The following SLC35F3 variants were observed in gnomAD, a reference collection of about 807,000 sequenced individuals.
SLC35F3 encodes solute carrier family 35 member F3.
A neutral mutation model predicts 49.9 loss-of-function variants in SLC35F3; 25 were observed. The observed-to-expected ratio is 0.50, with a 90% confidence interval of 0.37 to 0.70. SLC35F3 has a LOEUF of 0.70. SLC35F3 is among the 30% of genes least tolerant of loss of function. The pLI, the probability that SLC35F3 is intolerant of heterozygous loss-of-function variation, is 0.00. For missense variants in SLC35F3, 525 were observed against 639.8 expected (o/e 0.82, Z 1.94); for synonymous variants, 275 against 265.4 (o/e 1.04, Z -0.35).
chr1:233,982,629 C>T (rs920439555), intron 2 of SLC35F3, among the ~76,000 whole-genome samples: 16 of 152,168 alleles, frequency 1.1e-4, no homozygotes, highest in South Asian at 4.1e-4. Context: ...CCACCTTGGC[C>T]TCCCAAAGTG....
At chr1:234,149,621 A>G (rs1666042976) in intron 2 of SLC35F3, among the ~76,000 whole-genome samples, 1 of 152,168 alleles carries the variant, frequency 6.6e-6, no homozygotes. Context: ...GAATTCCTGG[A>G]CATCTGTTTC....
chr1:234,098,021 G>T (rs1665150677), intron 2 of SLC35F3, among the ~76,000 whole-genome samples: 1 of 151,774 alleles, frequency 6.6e-6, no homozygotes, highest in African/African-American at 2.4e-5. Flanking sequence ...TGATGATGGA[G>T]GTGGTGACTG....
intron 2 of SLC35F3, among the ~76,000 whole-genome samples, chr1:233,983,450 A>G (rs1213183655): frequency 6.6e-6 from 1 of 152,314 alleles, no homozygotes; most frequent in Admixed American, 6.5e-5. Context: ...AACATCTACA[A>G]TCGATTTCTA....
intron 2 of SLC35F3, among the ~76,000 whole-genome samples, chr1:233,933,307 T>C (rs1386755106): frequency 6.6e-6 from 1 of 152,194 alleles, no homozygotes; most frequent in Admixed American, 6.5e-5. Flanking sequence ...AACCAAATTA[T>C]TGTTGTATAC....
intron 4 of SLC35F3, among the ~76,000 whole-genome samples, chr1:234,311,787 AG>A (rs1420975599): frequency 6.6e-6 from 1 of 152,188 alleles, no homozygotes; most frequent in Non-Finnish European, 1.5e-5. Context: ...CTGGTTCTCC[AG>A]GTCAGGGTTC....
At chr1:234,071,954 GA>G (rs1402617687) in intron 2 of SLC35F3, among the ~76,000 whole-genome samples, 1 of 152,180 alleles carries the variant, frequency 6.6e-6, no homozygotes, top group African/African-American at 2.4e-5. Flanking sequence ...GGCCTGGACA[GA>G]AAAAGGAATC....
At chr1:234,159,565 C>A (rs1666198101) in intron 2 of SLC35F3, among the ~76,000 whole-genome samples, 1 of 151,922 alleles carries the variant, frequency 6.6e-6, no homozygotes, top group Admixed American at 6.6e-5. Flanking sequence ...AAAAAAAGAA[C>A]CTATATGGAG....
intron 2 of SLC35F3, among the ~76,000 whole-genome samples, chr1:234,095,539 G>C (rs12038313): frequency 0.28 from 41,828 of 152,088 alleles, 7,151 homozygotes; most frequent in East Asian, 0.84. Context: ...TTGTTTGTAA[G>C]TTCAATGCTC....
chr1:234,249,187 A>T (rs147556715), intron 3 of SLC35F3, among the ~76,000 whole-genome samples: 2 of 152,310 alleles, frequency 1.3e-5, no homozygotes, highest in East Asian at 3.9e-4. Context: ...CCCACTCAGT[A>T]GGACCCTCAC....
At chr1:234,171,360 G>C (rs147109326) in intron 2 of SLC35F3, among the ~76,000 whole-genome samples, 1 of 152,298 alleles carries the variant, frequency 6.6e-6, no homozygotes, top group Non-Finnish European at 1.5e-5. Context: ...TGATTCTAAC[G>C]TGTAGCTGGG....
chr1:234,222,461 G>C (rs533320232), intron 2 of SLC35F3, among the ~76,000 whole-genome samples: 1 of 152,228 alleles, frequency 6.6e-6, no homozygotes, highest in Non-Finnish European at 1.5e-5. Context: ...TTTTAATTTT[G>C]CTCTGTTCTG....
chr1:233,990,010 C>A (rs2102826573), intron 2 of SLC35F3, among the ~76,000 whole-genome samples: 1 of 152,224 alleles, frequency 6.6e-6, no homozygotes. Context: ...ACTTAAGTTA[C>A]ATTCAGATCT....
chr1:234,297,935 A>T (rs1344222385), intron 3 of SLC35F3, among the ~76,000 whole-genome samples: 3 of 152,158 alleles, frequency 2.0e-5, no homozygotes, highest in Admixed American at 6.5e-5. Context: ...CATATACTTA[A>T]ATACGTGCTA....
At chr1:234,130,291 T>C (rs12097962) in intron 2 of SLC35F3, among the ~76,000 whole-genome samples, 2,769 of 152,096 alleles carry the variant, frequency 0.018, 81 homozygotes, top group African/African-American at 0.063. Flanking sequence ...ATCAGGGAAA[T>C]TCATACATAA....
chr1:234,001,014 C>T (rs146209852), intron 2 of SLC35F3, among the ~76,000 whole-genome samples: 12 of 152,318 alleles, frequency 7.9e-5, no homozygotes, highest in African/African-American at 2.9e-4. Context: ...ACAAAGAGAA[C>T]TTGATCCGTA....
At chr1:234,255,842 G>A (rs563058066) in intron 3 of SLC35F3, among the ~76,000 whole-genome samples, 1 of 152,324 alleles carries the variant, frequency 6.6e-6, no homozygotes, top group South Asian at 2.1e-4. Flanking sequence ...GTATGATACT[G>A]TAATGGTAGA....
intron 2 of SLC35F3, among the ~76,000 whole-genome samples, chr1:233,925,217 A>G (rs1388129605): frequency 2.6e-5 from 4 of 152,104 alleles, no homozygotes; most frequent in Non-Finnish European, 5.9e-5. Context: ...TGATCTGTCT[A>G]ATATTGACAG....
Position 234,103,765 on chromosome 1 carries a change from T to A in SLC35F3, c.284-127652T>A, listed in dbSNP as rs139513275. ...TTATTGTTTCCAAATATTCATTGTC[T>A]CTTCTTGGGAAAGGATTATACTTCC... On this transcript the variant is annotated intron_variant, in intron 2 of 7. Coordinates refer to ENST00000366618, the MANE Select transcript of SLC35F3 (RefSeq NM_173508.4). Among the ~76,000 whole-genome samples, 697 of 152,308 alleles carry A rather than the reference T, an allele frequency of 4.6e-3. 4 individuals carry two copies. Among genetic ancestry groups the A allele is most frequent in the African/African-American group, 0.015 (625 of 41,572 alleles).
chr1:233,952,880 C>T (rs983865623), intron 2 of SLC35F3, among the ~76,000 whole-genome samples: 11 of 152,252 alleles, frequency 7.2e-5, no homozygotes, highest in Non-Finnish European at 1.5e-4. Flanking sequence ...CCCCCCTCCC[C>T]GCCCCACAAT....
Sources: gnomAD v4.1 joint callset for allele counts (sites outside exome capture counted in the v4.1 genomes callset) on GRCh38, gnomAD v4.1.1 for gene constraint, MANE v1.5 for transcripts, NCBI Gene and HGNC (gene_info 2026-07-23, HGNC 2026-07-21) for gene names.